Variants in SPATA25 observed in about 807,000 individuals in gnomAD.
SPATA25 encodes spermatogenesis associated 25.
SPATA25 carries 16 observed loss-of-function variants against 16.0 expected under a neutral mutation model. The ratio of observed to expected loss-of-function variants is 1.00; its 90% CI spans 0.68 to 1.52. The LOEUF is 1.52. Among genes scored for constraint, SPATA25 ranks in the 40% most tolerant of loss-of-function variants. SPATA25 has a pLI of 0.00. For missense variants in SPATA25, 285 were observed against 289.2 expected (o/e 0.99, Z 0.11); for synonymous variants, 115 against 118.5 (o/e 0.97, Z 0.19).
chr20:45,888,765 T>C (rs752353704), upstream of SPATA25: 1 of 1,614,082 alleles, frequency 6.2e-7, no homozygotes, highest in Admixed American at 1.7e-5. Context: ...TCTTCACTCA[T>C]ACTTGCAGAA....
chr20:45,887,206 G>A, intron 1 of SPATA25, 61 bp from the exon 2 acceptor site: 1 of 1,526,888 alleles, frequency 6.5e-7, no homozygotes, highest in South Asian at 1.2e-5. Flanking sequence ...GGGCCCTGAG[G>A]GGCAGGGCAT....
chr20:45,887,130 G>A lies in SPATA25; in HGVS notation c.71C>T (p.Pro24Leu), dbSNP rs973757766. Residue 24 changes from proline to leucine, a missense_variant, in exon 2 of 2, where the codon CCA becomes CTA. Pro to Leu is a moderately conservative substitution (Grantham distance 98, BLOSUM62 -3). Transcript: ENST00000372519. ...ACTACAGAGGCCAAGGGACAAGCCT[G>A]GAGAAGCAGCCCCACCTGCAGAGAC... is the stretch of plus-strand genomic sequence containing the variant. ...LPSGQGGAASPGLSLGLCSPV... is the reference protein window; with the variant it reads ...LPSGQGGAASLGLSLGLCSPV... 2 of 1,585,952 alleles carry A rather than the reference G, an allele frequency of 1.3e-6. No individual in the cohort carries two copies. The highest frequency in any genetic ancestry group is 1.7e-6 in the Non-Finnish European group (2 of 1,169,242).
In SPATA25 at chr20:45,886,899, C is replaced by T; in HGVS notation, c.302G>A (p.Ser101Asn). The change falls in exon 2 of 2, where the codon AGC becomes AAC. Residue 101 changes from serine to asparagine, a missense_variant. Ser to Asn is a conservative substitution (Grantham distance 46). Transcript: ENST00000372519. ...GGAGTAGCCATTGTCCCAGCCCAAGCTCTCCAGCTGCCTCACATGCGGGAA... is the reference window on the plus strand; with the variant it reads ...GGAGTAGCCATTGTCCCAGCCCAAGTTCTCCAGCTGCCTCACATGCGGGAA... ...HKFPHVRQLESLGWDNGYSRS... is the reference protein window; with the variant it reads ...HKFPHVRQLENLGWDNGYSRS... The T allele has an allele frequency of 6.2e-7, 1 of 1,614,204 alleles. No homozygotes were observed. Among genetic ancestry groups the T allele is most frequent in the South Asian group, 1.1e-5 (1 of 91,088 alleles).
intron 1 of SPATA25, 22 bp from the exon 2 acceptor site, chr20:45,887,167 G>A (rs749626883): frequency 6.4e-7 from 1 of 1,564,310 alleles, no homozygotes; most frequent in Admixed American, 1.8e-5. Flanking sequence ...GGAATGAAAT[G>A]GAACGTTATT....
In SPATA25 at chr20:45,886,907, C is replaced by T; in HGVS notation, c.294G>A (p.Gln98=). 6.2e-7 allele frequency: 1 copy of T among 1,614,212 alleles called. No individual in the cohort carries two copies. The highest frequency in any genetic ancestry group is 8.5e-7 in the Non-Finnish European group (1 of 1,180,050). Residue 98 remains glutamine (Q), a synonymous_variant, in exon 2 of 2, where the codon CAG becomes CAA. Coordinates refer to ENST00000372519, the MANE Select transcript of SPATA25 (RefSeq NM_080608.4). ...RNCHKFPHVR[Q]LESLGWDNGY... ...CATTGTCCCAGCCCAAGCTCTCCAGCTGCCTCACATGCGGGAATTTGTGGC... is the reference window on the plus strand; with the variant it reads ...CATTGTCCCAGCCCAAGCTCTCCAGTTGCCTCACATGCGGGAATTTGTGGC...
chr20:45,890,252 C>G (rs150038641), upstream of SPATA25: 3 of 1,613,872 alleles, frequency 1.9e-6, no homozygotes, highest in Non-Finnish European at 2.5e-6. Context: ...ATACCTACAG[C>G]CATACTCGAG....
upstream of SPATA25, chr20:45,890,300 T>G: frequency 6.2e-7 from 1 of 1,613,394 alleles, no homozygotes; most frequent in Non-Finnish European, 8.5e-7. Flanking sequence ...AGCAAACACG[T>G]CCACCACCGC....
upstream of SPATA25, chr20:45,888,981 G>T: frequency 1.5e-6 from 2 of 1,292,546 alleles, no homozygotes; most frequent in Non-Finnish European, 1.1e-6. Context: ...ATGTGGGCAA[G>T]TCCTTACTGC....
chr20:45,890,778 CCTCGATCTCGACCAGGAA>C, upstream of SPATA25: 1 of 1,608,660 alleles, frequency 6.2e-7, no homozygotes. Flanking sequence ...AGCTCTTTCT[CCTCGATCTCGACCAGGAA>C]GACCTGGCCC....
upstream of SPATA25, among the ~76,000 whole-genome samples, chr20:45,889,358 T>C (rs1003334266): frequency 6.6e-5 from 7 of 106,062 alleles, no homozygotes; most frequent in Non-Finnish European, 1.0e-4. Context: ...CTTTTCTTTC[T>C]TTTTTTTTTT....
upstream of SPATA25, chr20:45,890,518 G>A (rs758403417): frequency 1.0e-5 from 16 of 1,601,534 alleles, no homozygotes; most frequent in East Asian, 3.6e-4. Context: ...GGCCCACCAG[G>A]CGGTCCCGGG....
chr20:45,890,253 C>G, upstream of SPATA25: 1 of 1,613,892 alleles, frequency 6.2e-7, no homozygotes. Flanking sequence ...TACCTACAGC[C>G]ATACTCGAGC....
chr20:45,886,581 G>C lies in SPATA25; in HGVS notation c.620C>G (p.Thr207Arg). 1 of 1,612,266 alleles carries C rather than the reference G, an allele frequency of 6.2e-7. No individual in the cohort carries two copies. Among genetic ancestry groups the C allele is most frequent in the Non-Finnish European group, 8.5e-7 (1 of 1,179,018 alleles). Reference sequence around the variant, plus strand: ...CACTAGGGGCATCTTCCCAGAGGCTGTGTGGGCATGTGCCTGCTCCCACCG... The same window carrying C: ...CACTAGGGGCATCTTCCCAGAGGCTCTGTGGGCATGTGCCTGCTCCCACCG... Reference protein sequence around the residue: ...GARWEQAHAHTASGKMPLVRS... With the variant: ...GARWEQAHAHRASGKMPLVRS... The change falls in exon 2 of 2, where the codon ACA (threonine) becomes AGA (arginine). Residue 207 changes from threonine to arginine, a missense_variant. Coordinates refer to ENST00000372519, the MANE Select transcript of SPATA25 (RefSeq NM_080608.4).
upstream of SPATA25, chr20:45,888,694 C>T (rs543185712): frequency 7.4e-4 from 1,143 of 1,553,524 alleles, no homozygotes; most frequent in Non-Finnish European, 7.2e-4. Flanking sequence ...TGGCCAACTT[C>T]GGACCAGCCA....
upstream of SPATA25, chr20:45,890,073 C>T: frequency 1.5e-6 from 1 of 667,722 alleles, no homozygotes; most frequent in Non-Finnish European, 2.5e-6. Context: ...GGTACCAAGG[C>T]CCAAAACCAT....
In SPATA25 at chr20:45,886,781, C is replaced by T. The variant is rs1465846417; in HGVS notation, c.420G>A (p.Glu140=). The change falls in exon 2 of 2, where the codon GAG becomes GAA. Residue 140 remains glutamate (E), a synonymous_variant. Transcript: ENST00000372519. The stretch of plus-strand genomic sequence containing the variant: ...GGGAGCTGGCCTCCTTCCCCACTGC[C>T]TCAGAGGGTACCGGTAGAACCCGTG... ...LSPRVLPVPS[E]AVGKEASSQP... 1 of 1,614,010 alleles carries T rather than the reference C, an allele frequency of 6.2e-7. No homozygotes were observed. The highest frequency in any genetic ancestry group is 1.1e-5 in the South Asian group (1 of 91,090).
At chr20:45,887,295 C>T (rs1254212429) in intron 1 of SPATA25, 150 bp from the exon 2 acceptor site, 1 of 986,880 alleles carries the variant, frequency 1.0e-6, no homozygotes, top group Non-Finnish European at 1.5e-6. Context: ...TTACTCATAT[C>T]CACACTCCCA....
chr20:45,887,160 A>G lies in SPATA25; in HGVS notation c.56-15T>C, dbSNP rs756626716. 2.3e-5 allele frequency: 36 copies of G among 1,570,166 alleles called. No individual in the cohort carries two copies. The highest frequency in any genetic ancestry group is 2.9e-5 in the Non-Finnish European group (34 of 1,162,576). ...AGCAGCCCCACCTGCAGAGACAGGA[A>G]TGAAATGGAACGTTATTCTCAGTTC... On this transcript the variant is annotated splice_polypyrimidine_tract_variant and intron_variant, in intron 1 of 1. Transcript: ENST00000372519.
At position 45,887,137 on chromosome 20, in the gene SPATA25, CA is replaced by C. The variant is rs1568756412; in HGVS notation, c.63del (p.Ala22LeufsTer13). ...PGPLPSGQGG[A>X]ASPGLSLGLC... ...AGGCCAAGGGACAAGCCTGGAGAAG[CA>C]GCCCCACCTGCAGAGACAGGAATGA... On this transcript the variant is annotated frameshift_variant, in exon 2 of 2. Coordinates refer to ENST00000372519, the MANE Select transcript of SPATA25 (RefSeq NM_080608.4). LOFTEE classifies it high-confidence loss of function. 1 of 1,583,160 alleles carries C rather than the reference CA, an allele frequency of 6.3e-7. No homozygotes were observed. Among genetic ancestry groups the C allele is most frequent in the South Asian group, 1.1e-5 (1 of 90,582 alleles).
Sources: gnomAD v4.1 joint callset for allele counts (sites outside exome capture counted in the v4.1 genomes callset) on GRCh38, gnomAD v4.1.1 for gene constraint, MANE v1.5 for transcripts, NCBI Gene and HGNC (gene_info 2026-07-23, HGNC 2026-07-21) for gene names.